Variants in CHST3 observed in about 807,000 individuals in gnomAD.
CHST3 encodes the protein C6ST-1.
CHST3 carries 20 observed loss-of-function variants against 35.4 expected under a neutral mutation model. The observed-to-expected ratio is 0.57, with a 90% CI of 0.40 to 0.82. CHST3 has a LOEUF of 0.82. Ranked by LOEUF, CHST3 falls within the 40% of genes least tolerant of loss-of-function variation. The pLI is 0.00. For missense variants in CHST3, 693 were observed against 670.1 expected (o/e 1.03, Z -0.38); for synonymous variants, 334 against 295.9 (o/e 1.13, Z -1.32).
chr10:72,001,834 G>C (rs965319311), intron 1 of CHST3, among the ~76,000 whole-genome samples: 1 of 152,152 alleles, frequency 6.6e-6, no homozygotes, highest in Non-Finnish European at 1.5e-5. Context: ...AGATTTTTCG[G>C]TTCTACCCAT....
rs1191363739 is a variant in CHST3, at chr10:72,012,956, CTG to C, written c.*4486_*4487del. The C allele has an allele frequency of 6.6e-6, 1 of 152,262 alleles. No individual in the cohort carries two copies. Among genetic ancestry groups the C allele is most frequent in the East Asian group, 1.9e-4 (1 of 5,200 alleles). 9.4% of individuals were successfully genotyped at this position (152,262 alleles called of 1,614,324 possible). ...TCTCGTGTCCTTTGGCACCCCGTAA[CTG>C]GACTGGGGACAAATTTGTTACGTGT... On this transcript the variant is annotated 3_prime_UTR_variant, in exon 3 of 3. Transcript: ENST00000373115.
intron 1 of CHST3, among the ~76,000 whole-genome samples, chr10:71,971,245 G>A (rs774444992): frequency 6.6e-6 from 1 of 152,148 alleles, no homozygotes; most frequent in African/African-American, 2.4e-5. Context: ...GGCACTGCTG[G>A]AAGGTTCTGG....
At chr10:71,978,251 A>G (rs902866744) in intron 1 of CHST3, among the ~76,000 whole-genome samples, 1 of 152,106 alleles carries the variant, frequency 6.6e-6, no homozygotes. Flanking sequence ...GCTGTAATCC[A>G]GCTACTCGGG....
At chr10:71,972,638 C>A (rs1441906563) in intron 1 of CHST3, among the ~76,000 whole-genome samples, 1 of 152,204 alleles carries the variant, frequency 6.6e-6, no homozygotes, top group African/African-American at 2.4e-5. Flanking sequence ...GCCATTCCAG[C>A]AAGACAGGAA....
At chr10:71,965,304 A>AGT (rs1258885312) in intron 1 of CHST3, among the ~76,000 whole-genome samples, 6 of 152,072 alleles carry the variant, frequency 3.9e-5, no homozygotes, top group African/African-American at 1.4e-4. Flanking sequence ...GAGAGGAGGG[A>AGT]GTGATTCATA....
rs1355385307 is a variant in CHST3, at chr10:72,008,140, G to C, written c.1109G>C (p.Arg370Pro). 1.3e-6 allele frequency: 2 copies of C among 1,548,354 alleles called. No homozygotes were observed. The highest frequency in any genetic ancestry group is 1.7e-6 in the Non-Finnish European group (2 of 1,146,402). ...AWLRGRYMLVRYEDVARGPLQ... is the reference protein window; with the variant it reads ...AWLRGRYMLVPYEDVARGPLQ... ...CTGCGGGGCCGCTACATGCTGGTGC[G>C]CTACGAGGACGTGGCACGCGGGCCG... The change falls in exon 3 of 3, where the codon CGC becomes CCC. Residue 370 changes from arginine (R) to proline (P), a missense_variant. Transcript: ENST00000373115.
chr10:72,003,562 G>T (rs1433310648), intron 1 of CHST3, among the ~76,000 whole-genome samples: 5 of 152,126 alleles, frequency 3.3e-5, no homozygotes, highest in Non-Finnish European at 7.3e-5. Flanking sequence ...TTAGCTGGGA[G>T]TGGTGGCACA....
At chr10:71,978,815 A>G (rs538984919) in intron 1 of CHST3, among the ~76,000 whole-genome samples, 122 of 152,284 alleles carry the variant, frequency 8.0e-4, no homozygotes, top group African/African-American at 2.8e-3. Flanking sequence ...GCCTTTGGAA[A>G]TGGCCTCCGA....
intron 1 of CHST3, among the ~76,000 whole-genome samples, chr10:71,987,576 C>A (rs549872492): frequency 6.6e-6 from 1 of 151,912 alleles, no homozygotes. Flanking sequence ...ATTAGCTGGG[C>A]GTGGTGGTGC....
At chr10:71,990,459 G>A (rs541324632) in intron 1 of CHST3, among the ~76,000 whole-genome samples, 6 of 152,242 alleles carry the variant, frequency 3.9e-5, no homozygotes, top group East Asian at 1.9e-4. Flanking sequence ...CACCTCCCAC[G>A]TTCAAGCAAT....
chr10:72,004,169 A>AAATAATAAT (rs3062567), intron 1 of CHST3, among the ~76,000 whole-genome samples: 2 of 152,032 alleles, frequency 1.3e-5, no homozygotes, highest in African/African-American at 4.8e-5. Flanking sequence ...CTCCATCTCA[A>AAATAATAAT]AATAATAATA....
At chr10:71,988,651 C>T (rs541132454) in intron 1 of CHST3, among the ~76,000 whole-genome samples, 129 of 152,270 alleles carry the variant, frequency 8.5e-4, no homozygotes, top group African/African-American at 3.1e-3. Flanking sequence ...AACCAAGAGC[C>T]AATTAAACTG....
Position 71,964,491 on chromosome 10 carries a change from A to G in CHST3, c.-311A>G, listed in dbSNP as rs968680324. On this transcript the variant is annotated 5_prime_UTR_variant, in exon 1 of 3. Coordinates refer to ENST00000373115, the MANE Select transcript of CHST3 (RefSeq NM_004273.5). ...GCCCGCCTGGCGCCGCTTCCCTTCCAGCGTGCCGACCGGCCCCGCAGCGCC... is the reference window on the plus strand; with the variant it reads ...GCCCGCCTGGCGCCGCTTCCCTTCCGGCGTGCCGACCGGCCCCGCAGCGCC... The G allele has an allele frequency of 2.6e-5, 4 of 151,956 alleles. No homozygotes were observed. The highest frequency in any genetic ancestry group is 4.8e-5 in the African/African-American group (2 of 41,372). 9.4% of individuals were successfully genotyped at this position (151,956 alleles called of 1,614,324 possible). A position where few individuals can be genotyped will look rare whatever the true frequency, so the allele number is the denominator to read the frequency against.
At chr10:71,977,576 A>G (rs1220596145) in intron 1 of CHST3, among the ~76,000 whole-genome samples, 1 of 151,738 alleles carries the variant, frequency 6.6e-6, no homozygotes, top group East Asian at 1.9e-4. Flanking sequence ...CAGCCTCCCA[A>G]GTAGGTGGGA....
At chr10:72,001,480 T>G (rs577187891) in intron 1 of CHST3, among the ~76,000 whole-genome samples, 3,212 of 97,528 alleles carry the variant, frequency 0.033, 96 homozygotes, top group African/African-American at 0.14. Context: ...TTTTGGGTTG[T>G]TTTTTTTTTT....
intron 1 of CHST3, among the ~76,000 whole-genome samples, chr10:71,970,141 G>A (rs1839676537): frequency 6.6e-6 from 1 of 152,078 alleles, no homozygotes; most frequent in African/African-American, 2.4e-5. Context: ...CCCAAATCTG[G>A]CCTGTGGCTG....
chr10:71,994,885 T>C (rs953093887), intron 1 of CHST3, among the ~76,000 whole-genome samples: 19 of 152,358 alleles, frequency 1.2e-4, no homozygotes, highest in African/African-American at 4.6e-4. Context: ...TCTTCTTTCC[T>C]TAAACCTCAT....
At chr10:72,005,283 T>TTGTG (rs761296471) in intron 1 of CHST3, among the ~76,000 whole-genome samples, 33,197 of 149,190 alleles carry the variant, frequency 0.22, 4,531 homozygotes, top group Non-Finnish European at 0.32. Flanking sequence ...GTCTGCACCT[T>TTGTG]TGTGTGTGTG....
intron 1 of CHST3, among the ~76,000 whole-genome samples, chr10:71,993,225 T>C (rs1229454029): frequency 6.6e-6 from 1 of 152,222 alleles, no homozygotes; most frequent in Non-Finnish European, 1.5e-5. Context: ...TTGTTGTCAT[T>C]CACAGCATCT....
Sources: allele counts gnomAD v4.1 joint callset (sites outside exome capture counted in the v4.1 genomes callset), GRCh38; gene constraint gnomAD v4.1.1; transcripts MANE v1.5; gene names NCBI Gene and HGNC (gene_info 2026-07-23, HGNC 2026-07-21).